Variants in FRYL observed in about 807,000 individuals in gnomAD.
FRYL encodes the protein protein furry homolog-like.
In FRYL, 150 loss-of-function variants were observed where a neutral mutation model predicts 351.2. The observed-to-expected ratio is 0.43, with a 90% CI of 0.37 to 0.49. The LOEUF (loss-of-function observed/expected upper bound fraction) is 0.49, where lower values mean the gene tolerates loss of function less well. Among genes scored for constraint, FRYL ranks in the 20% least tolerant of loss-of-function variants. The pLI, the probability that FRYL is intolerant of heterozygous loss-of-function variation, is 0.00. For missense variants in FRYL, 3,036 were observed against 3,619.3 expected (o/e 0.84, Z 4.13); for synonymous variants, 1,153 against 1,257.1 (o/e 0.92, Z 1.75).
intron 33 of FRYL, among the ~76,000 whole-genome samples, chr4:48,558,267 T>C (rs1490715546): frequency 6.6e-6 from 1 of 152,236 alleles, no homozygotes; most frequent in African/African-American, 2.4e-5. Context: ...AATCCTGTCA[T>C]ATGCCACAAC....
At chr4:48,591,906 ATT>A (rs1241668502) in intron 16 of FRYL, among the ~76,000 whole-genome samples, 1 of 151,358 alleles carries the variant, frequency 6.6e-6, no homozygotes, top group Non-Finnish European at 1.5e-5. Flanking sequence ...TTGCCCCCAG[ATT>A]TGATTCCTTC....
At chr4:48,602,610 C>A (rs1373263419) in intron 12 of FRYL, among the ~76,000 whole-genome samples, 2 of 152,058 alleles carry the variant, frequency 1.3e-5, no homozygotes, top group African/African-American at 4.8e-5. Flanking sequence ...CAATGCCTGG[C>A]ACAATCCATG....
intron 3 of FRYL, among the ~76,000 whole-genome samples, chr4:48,677,987 A>C (rs1419349745): frequency 1.3e-5 from 2 of 152,218 alleles, no homozygotes; most frequent in African/African-American, 4.8e-5. Flanking sequence ...GTAAATAGGA[A>C]GTAAGATTCA....
chr4:48,688,658 ATTTTT>A (rs11355390), intron 2 of FRYL, among the ~76,000 whole-genome samples: 61 of 86,446 alleles, frequency 7.1e-4, no homozygotes, highest in African/African-American at 2.6e-3. Flanking sequence ...CTCTTAGTCA[ATTTTT>A]TTTTTTTTTT....
chr4:48,642,243 ACTTTCAAG>A (rs1488625555), intron 3 of FRYL, among the ~76,000 whole-genome samples: 1 of 152,134 alleles, frequency 6.6e-6, no homozygotes, highest in East Asian at 1.9e-4. Context: ...TGTCACTCAT[ACTTTCAAG>A]CTTATGCATG....
chr4:48,604,240 G>A (rs180811302), intron 11 of FRYL, among the ~76,000 whole-genome samples: 1 of 152,324 alleles, frequency 6.6e-6, no homozygotes, highest in African/African-American at 2.4e-5. Context: ...AGTAAAGAAA[G>A]AGAAGCCAGC....
intron 1 of FRYL, among the ~76,000 whole-genome samples, chr4:48,724,664 C>T (rs534036053): frequency 4.6e-5 from 7 of 152,274 alleles, no homozygotes; most frequent in East Asian, 1.9e-4. Flanking sequence ...ATTAAACAAA[C>T]GGTGCCCCTG....
At chr4:48,667,361 T>C (rs751228390) in intron 3 of FRYL, among the ~76,000 whole-genome samples, 8 of 151,744 alleles carry the variant, frequency 5.3e-5, no homozygotes, top group African/African-American at 9.7e-5. Flanking sequence ...AAGCCAACAA[T>C]TGTTATCTCT....
intron 26 of FRYL, among the ~76,000 whole-genome samples, chr4:48,572,733 G>C (rs1251063021): frequency 6.6e-6 from 1 of 152,190 alleles, no homozygotes. Flanking sequence ...CTGTAGATTT[G>C]GGAATCTAGG....
intron 1 of FRYL, among the ~76,000 whole-genome samples, chr4:48,771,951 C>T (rs1482210958): frequency 2.0e-5 from 3 of 152,190 alleles, no homozygotes; most frequent in African/African-American, 7.2e-5. Context: ...CAAAAGCAGA[C>T]ATGATTTAGA....
chr4:48,583,849 G>A (rs1276437133), intron 19 of FRYL, among the ~76,000 whole-genome samples: 2 of 151,596 alleles, frequency 1.3e-5, no homozygotes, highest in Admixed American at 1.3e-4. Context: ...AGGTTGCAAT[G>A]AGCCGAGATT....
chr4:48,508,705 CACTG>C (rs1721835038), intron 59 of FRYL, among the ~76,000 whole-genome samples: 1 of 152,150 alleles, frequency 6.6e-6, no homozygotes, highest in South Asian at 2.1e-4. Flanking sequence ...ATGTCTTGCA[CACTG>C]ACTGTCAATG....
rs1342683938 is a variant in FRYL at position 48,528,236 on chromosome 4, G to C, written c.7004C>G (p.Ser2335Cys). 1 of 1,613,352 alleles carries C rather than the reference G, an allele frequency of 6.2e-7. No homozygotes were observed. Among genetic ancestry groups the C allele is most frequent in the South Asian group, 1.1e-5 (1 of 91,034 alleles). The change falls in exon 51 of 64, where the codon TCT becomes TGT. Residue 2335 changes from serine to cysteine, a missense_variant. This residue lies in a region of FRYL where 1,987 missense variants were observed against 2,311.7 expected (regional missense o/e 0.86). Transcript: ENST00000358350. ...IAVTRSTSST[S>C]SGSNSNALVP... Reference sequence around the variant, plus strand: ...CAAGGCATTAGAATTAGAACCAGAAGAAGTTGAGGAAGTACTTCTAGTGAC... The same window carrying C: ...CAAGGCATTAGAATTAGAACCAGAACAAGTTGAGGAAGTACTTCTAGTGAC...
At chr4:48,583,209 C>A (rs917084498) in intron 19 of FRYL, among the ~76,000 whole-genome samples, 59 of 151,638 alleles carry the variant, frequency 3.9e-4, no homozygotes, top group African/African-American at 1.4e-3. Flanking sequence ...TGGAGTGCAG[C>A]GGCATGATCT....
At chr4:48,637,244 A>C (rs1356766850) in intron 3 of FRYL, 3 of 152,116 alleles carry the variant, frequency 2.0e-5, no homozygotes, top group African/African-American at 7.2e-5. Context: ...AACACAAATA[A>C]AAATCAGGTA....
At chr4:48,653,158 C>G (rs1465659857) in intron 3 of FRYL, among the ~76,000 whole-genome samples, 1 of 152,112 alleles carries the variant, frequency 6.6e-6, no homozygotes, top group Non-Finnish European at 1.5e-5. Flanking sequence ...GTTGTATTGA[C>G]TTAACTGAAC....
intron 4 of FRYL, among the ~76,000 whole-genome samples, chr4:48,627,324 A>C (rs539746894): frequency 6.6e-6 from 1 of 152,266 alleles, no homozygotes; most frequent in South Asian, 2.1e-4. Flanking sequence ...ATTAAGTCTA[A>C]AGAGCTTTAA....
At chr4:48,703,248 T>A (rs1420722727) in intron 2 of FRYL, among the ~76,000 whole-genome samples, 4 of 152,152 alleles carry the variant, frequency 2.6e-5, no homozygotes, top group African/African-American at 9.7e-5. Context: ...ATGGGACCAA[T>A]TTTTAAAAAT....
chr4:48,743,212 ACACTGAATTTACAAGC>A (rs1772312078), intron 1 of FRYL, among the ~76,000 whole-genome samples: 1 of 151,920 alleles, frequency 6.6e-6, no homozygotes, highest in Non-Finnish European at 1.5e-5. Flanking sequence ...AGTAGAAAGA[ACACTGAATTTACAAGC>A]CTTTCACTAA....
Sources: allele counts gnomAD v4.1 joint callset (sites outside exome capture counted in the v4.1 genomes callset), GRCh38; gene constraint gnomAD v4.1.1; regional missense constraint gnomAD v4.1.1; transcripts MANE v1.5; gene names NCBI Gene and HGNC (gene_info 2026-07-23, HGNC 2026-07-21).